CNTNAP5: variants seen among roughly 807,000 people sequenced by gnomAD.
CNTNAP5 encodes contactin-associated protein-like 5.
In CNTNAP5, 72 loss-of-function variants were observed where a neutral mutation model predicts 150.2. The observed-to-expected ratio is 0.48, with a 90% CI of 0.40 to 0.58. The LOEUF (loss-of-function observed/expected upper bound fraction) is 0.58, where lower values mean the gene tolerates loss of function less well. Ranked by LOEUF, CNTNAP5 falls within the 20% of genes least tolerant of loss-of-function variation. The probability of loss-of-function intolerance (pLI) is 0.00; values close to 1 mark genes in which losing one functional copy is unlikely to be tolerated. For missense variants in CNTNAP5, 1,636 were observed against 1,626.2 expected (o/e 1.01, Z -0.10); for synonymous variants, 672 against 619.8 (o/e 1.08, Z -1.25).
At chr2:124,191,374 C>A (rs949523096) in intron 1 of CNTNAP5, among the ~76,000 whole-genome samples, 1 of 152,160 alleles carries the variant, frequency 6.6e-6, no homozygotes, top group Non-Finnish European at 1.5e-5. Flanking sequence ...GCCCACTATG[C>A]TTCTTTAAGA....
At chr2:124,139,290 AC>A (rs1312750441) in intron 1 of CNTNAP5, among the ~76,000 whole-genome samples, 2 of 151,762 alleles carry the variant, frequency 1.3e-5, no homozygotes, top group African/African-American at 4.9e-5. Flanking sequence ...ACACACACAC[AC>A]ACAATGCTGT....
intron 3 of CNTNAP5, among the ~76,000 whole-genome samples, chr2:124,347,177 G>T (rs1468690525): frequency 3.3e-5 from 5 of 152,158 alleles, no homozygotes; most frequent in African/African-American, 9.7e-5. Flanking sequence ...TAGTACAGTG[G>T]CAATAGGAAA....
At chr2:124,604,921 A>G (rs1425695840) in intron 11 of CNTNAP5, among the ~76,000 whole-genome samples, 2 of 152,214 alleles carry the variant, frequency 1.3e-5, no homozygotes, top group Non-Finnish European at 2.9e-5. Flanking sequence ...AAGTCAAACA[A>G]TGATAAAATC....
intron 7 of CNTNAP5, among the ~76,000 whole-genome samples, chr2:124,496,295 C>A (rs919310454): frequency 6.6e-6 from 1 of 152,104 alleles, no homozygotes; most frequent in African/African-American, 2.4e-5. Flanking sequence ...TGACAGCGTG[C>A]CAGTCAGTGC....
intron 13 of CNTNAP5, among the ~76,000 whole-genome samples, chr2:124,709,811 T>G (rs1295275219): frequency 2.0e-5 from 3 of 152,174 alleles, no homozygotes; most frequent in African/African-American, 7.2e-5. Context: ...TGAATAGATC[T>G]GTTCAACAAT....
chr2:124,163,791 T>G (rs905085330), intron 1 of CNTNAP5, among the ~76,000 whole-genome samples: 6 of 152,080 alleles, frequency 3.9e-5, no homozygotes, highest in Non-Finnish European at 5.9e-5. Flanking sequence ...TAAAATAACA[T>G]TTACTCTTCT....
chr2:124,359,282 G>A lies in CNTNAP5; in HGVS notation c.382-58161G>A, dbSNP rs569450929. The stretch of plus-strand genomic sequence containing the variant: ...TCCTGGATTCATTGATTTTTTGAAG[G>A]GTTTTTTGTGTCTCTATTTCCTTCA... On this transcript the variant is annotated intron_variant, in intron 3 of 23. Transcript: ENST00000682447. Among the ~76,000 whole-genome samples the A allele has an allele frequency of 9.3e-3, 1,395 of 150,590 alleles. 27 individuals carry two copies. The highest frequency in any genetic ancestry group is 0.032 in the African/African-American group (1,320 of 41,070).
intron 13 of CNTNAP5, among the ~76,000 whole-genome samples, chr2:124,695,542 G>A (rs879704903): frequency 1.3e-5 from 2 of 152,136 alleles, no homozygotes. Flanking sequence ...TCACTGTTTT[G>A]AGTTAGACTT....
chr2:124,242,579 A>G, intron 3 of CNTNAP5, 186 bp downstream of exon 3: 1 of 520,392 alleles, frequency 1.9e-6, no homozygotes, highest in Non-Finnish European at 3.3e-6. Flanking sequence ...GAAAATTAGG[A>G]TGTCTGTCGC....
chr2:124,620,742 CAT>C lies in CNTNAP5; in HGVS notation c.1876+10823_1876+10824del, dbSNP rs1305226610. On this transcript the variant is annotated intron_variant, in intron 12 of 23. Coordinates refer to ENST00000682447, the MANE Select transcript of CNTNAP5 (RefSeq NM_001367498.1). ...TATATATATGCTACACACACACACA[CAT>C]GCACACACACACACACACACACACA... Among the ~76,000 whole-genome samples the C allele has an allele frequency of 1.2e-3, 89 of 73,184 alleles. 1 individual carries two copies. The highest frequency in any genetic ancestry group is 4.6e-3 in the South Asian group (10 of 2,178). The allele number at this position is 73,184 out of a possible 152,430, so 48.0% of individuals were successfully genotyped here.
chr2:124,069,738 C>T (rs946408016), intron 1 of CNTNAP5, among the ~76,000 whole-genome samples: 2 of 152,064 alleles, frequency 1.3e-5, no homozygotes, highest in Non-Finnish European at 2.9e-5. Context: ...TCCAAGATCA[C>T]CAAGCTGTGG....
At chr2:124,909,769 C>G (rs2104767019) in intron 22 of CNTNAP5, among the ~76,000 whole-genome samples, 1 of 147,052 alleles carries the variant, frequency 6.8e-6, no homozygotes, top group East Asian at 2.0e-4. Context: ...TGCCCGCTCT[C>G]TCTCTGTCTC....
intron 10 of CNTNAP5, among the ~76,000 whole-genome samples, chr2:124,537,107 A>G (rs1464891901): frequency 6.6e-6 from 1 of 152,104 alleles, no homozygotes; most frequent in Non-Finnish European, 1.5e-5. Context: ...TGAGGTTAAT[A>G]TTATTAACTC....
chr2:124,302,097 T>C (rs1023681020), intron 3 of CNTNAP5, among the ~76,000 whole-genome samples: 3 of 152,182 alleles, frequency 2.0e-5, no homozygotes, highest in African/African-American at 7.2e-5. Flanking sequence ...GTAAGCCATG[T>C]AGTGAGGCTG....
chr2:124,597,762 G>T (rs952621839), intron 11 of CNTNAP5, among the ~76,000 whole-genome samples: 27 of 151,838 alleles, frequency 1.8e-4, no homozygotes, highest in Non-Finnish European at 3.7e-4. Context: ...TCCATTCTCC[G>T]CATCACTTTC....
intron 11 of CNTNAP5, among the ~76,000 whole-genome samples, chr2:124,574,196 G>A (rs1415308856): frequency 6.6e-6 from 1 of 152,216 alleles, no homozygotes; most frequent in East Asian, 1.9e-4. Context: ...CAGGTTGCGG[G>A]GGGGACGGGG....
intron 3 of CNTNAP5, among the ~76,000 whole-genome samples, chr2:124,292,007 G>T (rs1688307012): frequency 6.6e-6 from 1 of 151,758 alleles, no homozygotes; most frequent in African/African-American, 2.4e-5. Context: ...GCCCAGCTTT[G>T]CCCAAGTCTA....
intron 3 of CNTNAP5, among the ~76,000 whole-genome samples, chr2:124,305,200 GC>G (rs1688657282): frequency 6.6e-6 from 1 of 150,728 alleles, no homozygotes; most frequent in Non-Finnish European, 1.5e-5. Flanking sequence ...GATTGCTTGT[GC>G]CCAAAGTTTG....
intron 1 of CNTNAP5, among the ~76,000 whole-genome samples, chr2:124,198,476 C>T (rs538478226): frequency 1.3e-5 from 2 of 151,882 alleles, no homozygotes; most frequent in East Asian, 1.9e-4. Context: ...GAGTATACTG[C>T]GTGATGCTGA....
Sources: allele counts gnomAD v4.1 joint callset (sites outside exome capture counted in the v4.1 genomes callset), GRCh38; gene constraint gnomAD v4.1.1; transcripts MANE v1.5; gene names NCBI Gene and HGNC (gene_info 2026-07-23, HGNC 2026-07-21).